Variants in LRMDA observed in about 807,000 individuals in gnomAD.
The protein encoded by LRMDA is leucine-rich melanocyte differentiation-associated protein.
In LRMDA, 18 loss-of-function variants were observed where a neutral mutation model predicts 29.8. The ratio of observed to expected loss-of-function variants is 0.60; its 90% CI spans 0.42 to 0.90. The LOEUF (loss-of-function observed/expected upper bound fraction) is 0.90. Ranked by LOEUF, LRMDA falls within the 40% of genes least tolerant of loss-of-function variation. The pLI is 0.00. For missense variants in LRMDA, 273 were observed against 273.9 expected (o/e 1.00, Z 0.02); for synonymous variants, 125 against 109.4 (o/e 1.14, Z -0.89).
intron 6 of LRMDA, among the ~76,000 whole-genome samples, chr10:76,445,550 C>T (rs183515344): frequency 3.9e-5 from 6 of 152,300 alleles, no homozygotes; most frequent in African/African-American, 1.4e-4. Context: ...CACAGCCATG[C>T]TATAGCTTAT....
rs370752033 is a variant in LRMDA at position 76,497,901 on chromosome 10, A to G, written c.602-59308A>G. Among the ~76,000 whole-genome samples, 36 of 75,248 alleles carry G rather than the reference A, an allele frequency of 4.8e-4. 11 individuals carry two copies. The highest frequency in any genetic ancestry group is 1.3e-3 in the East Asian group (5 of 3,948). 49.4% of individuals were successfully genotyped at this position (75,248 alleles called of 152,430 possible). On this transcript the variant is annotated intron_variant, in intron 6 of 6. Transcript: ENST00000611255. The stretch of plus-strand genomic sequence containing the variant: ...CTTTTCCTTGGCAAGTACTTTAAAT[A>G]CCTTCAACTTGTTTTATCTCTGAAC...
chr10:76,219,427 A>C (rs1411333424), intron 5 of LRMDA, among the ~76,000 whole-genome samples: 2 of 152,186 alleles, frequency 1.3e-5, no homozygotes, highest in African/African-American at 2.4e-5. Context: ...AAGATCTACC[A>C]AGCAAATGGA....
intron 2 of LRMDA, among the ~76,000 whole-genome samples, chr10:75,876,523 G>A (rs1013917567): frequency 1.5e-4 from 23 of 152,098 alleles, no homozygotes; most frequent in African/African-American, 5.1e-4. Context: ...ACAAAACCCC[G>A]ACAAACACAC....
intron 6 of LRMDA, among the ~76,000 whole-genome samples, chr10:76,365,263 C>T (rs1841379272): frequency 2.0e-5 from 3 of 151,622 alleles, no homozygotes; most frequent in Admixed American, 6.6e-5. Context: ...GCTAGATACC[C>T]AGTAGTGGGG....
intron 6 of LRMDA, among the ~76,000 whole-genome samples, chr10:76,375,745 G>A (rs1019299866): frequency 3.3e-5 from 5 of 150,816 alleles, no homozygotes; most frequent in Admixed American, 1.3e-4. Flanking sequence ...TTTTTCGGGG[G>A]GAGAGGATAT....
chr10:76,317,669 G>A (rs1840717579), intron 5 of LRMDA, among the ~76,000 whole-genome samples: 1 of 152,112 alleles, frequency 6.6e-6, no homozygotes, highest in Admixed American at 6.5e-5. Flanking sequence ...TGCCTCCCGG[G>A]TTCAGGCAAT....
intron 2 of LRMDA, among the ~76,000 whole-genome samples, chr10:75,504,314 G>A (rs1349887731): frequency 6.6e-6 from 1 of 152,076 alleles, no homozygotes; most frequent in Non-Finnish European, 1.5e-5. Flanking sequence ...GCCTCTATGT[G>A]CCATGCATTA....
intron 2 of LRMDA, among the ~76,000 whole-genome samples, chr10:75,471,365 A>C (rs1055102144): frequency 1.3e-5 from 2 of 151,546 alleles, no homozygotes; most frequent in Admixed American, 1.3e-4. Flanking sequence ...CCCTGCATAC[A>C]TTGTAGGAGT....
At chr10:75,664,030 T>C (rs1346253397) in intron 2 of LRMDA, among the ~76,000 whole-genome samples, 2 of 152,208 alleles carry the variant, frequency 1.3e-5, no homozygotes, top group Non-Finnish European at 2.9e-5. Flanking sequence ...GACCCTCCTG[T>C]GGATATCGAA....
chr10:75,621,839 C>T (rs1376210337), intron 2 of LRMDA, among the ~76,000 whole-genome samples: 1 of 152,136 alleles, frequency 6.6e-6, no homozygotes, highest in Non-Finnish European at 1.5e-5. Context: ...TTCCATAGAA[C>T]AAGTCTGGGC....
At chr10:75,721,006 T>C (rs543676059) in intron 2 of LRMDA, among the ~76,000 whole-genome samples, 1 of 152,250 alleles carries the variant, frequency 6.6e-6, no homozygotes, top group Non-Finnish European at 1.5e-5. Flanking sequence ...CCGTGCCATC[T>C]TGTGGGTACA....
intron 5 of LRMDA, among the ~76,000 whole-genome samples, chr10:76,078,367 G>A (rs1397365498): frequency 1.3e-5 from 2 of 152,018 alleles, no homozygotes; most frequent in Non-Finnish European, 2.9e-5. Flanking sequence ...AAGCACAGAC[G>A]TTCCATAATG....
chr10:76,117,734 T>C (rs1364936966), intron 5 of LRMDA, among the ~76,000 whole-genome samples: 1 of 152,204 alleles, frequency 6.6e-6, no homozygotes, highest in African/African-American at 2.4e-5. Context: ...TGTGAGCTGA[T>C]AGAAAAATTT....
intron 5 of LRMDA, among the ~76,000 whole-genome samples, chr10:76,254,305 C>CTATACTATACT (rs1564701441): frequency 4.8e-4 from 32 of 66,860 alleles, no homozygotes; most frequent in African/African-American, 7.3e-4. Context: ...TATACTATAC[C>CTATACTATACT]ATACCATACC....
intron 5 of LRMDA, among the ~76,000 whole-genome samples, chr10:76,130,338 C>T (rs185042597): frequency 6.6e-6 from 1 of 152,196 alleles, no homozygotes; most frequent in Non-Finnish European, 1.5e-5. Flanking sequence ...TAGTGTGGAA[C>T]CTCACCTCTG....
At chr10:76,454,852 T>C in intron 6 of LRMDA, among the ~76,000 whole-genome samples, 1 of 152,098 alleles carries the variant, frequency 6.6e-6, no homozygotes, top group East Asian at 1.9e-4. Flanking sequence ...GAAGGACAAT[T>C]TGGGTGGAGT....
At chr10:75,746,390 T>G (rs970304861) in intron 2 of LRMDA, among the ~76,000 whole-genome samples, 1 of 152,208 alleles carries the variant, frequency 6.6e-6, no homozygotes, top group Non-Finnish European at 1.5e-5. Context: ...ATTGTTTTCG[T>G]TCAAACTACC....
chr10:76,084,119 A>T (rs950534641), intron 5 of LRMDA, among the ~76,000 whole-genome samples: 1 of 152,172 alleles, frequency 6.6e-6, no homozygotes, highest in Non-Finnish European at 1.5e-5. Context: ...ATTAACTGAG[A>T]TACCACCTCT....
chr10:75,501,730 C>T (rs140162648), intron 2 of LRMDA, among the ~76,000 whole-genome samples: 10 of 152,358 alleles, frequency 6.6e-5, no homozygotes, highest in Admixed American at 1.3e-4. Flanking sequence ...ATGCTAATGA[C>T]ATTTGAATTA....
Sources: gnomAD v4.1 joint callset for allele counts (sites outside exome capture counted in the v4.1 genomes callset) on GRCh38, gnomAD v4.1.1 for gene constraint, MANE v1.5 for transcripts, NCBI Gene and HGNC (gene_info 2026-07-23, HGNC 2026-07-21) for gene names.